CCSER1: variants seen among roughly 807,000 people sequenced by gnomAD.
CCSER1 encodes the protein serine-rich coiled-coil domain-containing protein 1.
In CCSER1, 41 loss-of-function variants were observed where a neutral mutation model predicts 82.0. That is an observed-to-expected ratio of 0.50 (90% CI 0.39 to 0.65). CCSER1 has a LOEUF of 0.65. Among genes scored for constraint, CCSER1 ranks in the 30% least tolerant of loss-of-function variants. The probability of loss-of-function intolerance (pLI) is 0.00; values close to 1 mark genes in which losing one functional copy is unlikely to be tolerated. For synonymous variants in CCSER1, 414 were observed against 383.9 expected, an observed-to-expected ratio of 1.08 and a Z score of -0.92; for missense variants, 1,119 against 1,064.2, an observed-to-expected ratio of 1.05 and a Z score of -0.72.
At chr4:90,929,191 A>G (rs938276221) in intron 9 of CCSER1, among the ~76,000 whole-genome samples, 1 of 152,148 alleles carries the variant, frequency 6.6e-6, no homozygotes, top group African/African-American at 2.4e-5. Flanking sequence ...GTGCTGGTGA[A>G]ACTAAACAAA....
At chr4:91,182,343 G>A (rs761985284) in intron 10 of CCSER1, among the ~76,000 whole-genome samples, 3 of 152,076 alleles carry the variant, frequency 2.0e-5, no homozygotes, top group Non-Finnish European at 2.9e-5. Context: ...TTTTGTTAAC[G>A]GATCTCTCCA....
intron 10 of CCSER1, among the ~76,000 whole-genome samples, chr4:91,132,363 G>A (rs1383668211): frequency 1.3e-5 from 2 of 152,210 alleles, no homozygotes; most frequent in Middle Eastern, 3.4e-3. Context: ...GGGCATTAAC[G>A]TAAACACATG....
At chr4:90,932,972 A>AAGAGAGAGAG (rs1233938806) in intron 9 of CCSER1, among the ~76,000 whole-genome samples, 2 of 40,084 alleles carry the variant, frequency 5.0e-5, no homozygotes, top group Non-Finnish European at 8.9e-5. Flanking sequence ...GAAAGAAAGA[A>AAGAGAGAGAG]AGAAAGAAAG....
At chr4:90,719,366 C>T (rs1443413918) in intron 6 of CCSER1, among the ~76,000 whole-genome samples, 5 of 152,056 alleles carry the variant, frequency 3.3e-5, no homozygotes, top group Non-Finnish European at 5.9e-5. Context: ...ACTGATTCCA[C>T]ATTATGGTGA....
At chr4:90,158,189 G>A (rs916415654) in intron 1 of CCSER1, among the ~76,000 whole-genome samples, 18 of 152,250 alleles carry the variant, frequency 1.2e-4, no homozygotes, top group South Asian at 2.1e-4. Flanking sequence ...CATAAACAGC[G>A]GATTTTCGTG....
intron 9 of CCSER1, among the ~76,000 whole-genome samples, chr4:90,938,369 G>A (rs7676831): frequency 0.73 from 110,836 of 151,880 alleles, 40,561 homozygotes; most frequent in African/African-American, 0.76. Context: ...AAGTTTATTA[G>A]AACTTGTTTT....
intron 10 of CCSER1, among the ~76,000 whole-genome samples, chr4:91,285,262 T>C (rs1479260511): frequency 6.6e-6 from 1 of 151,588 alleles, no homozygotes. Flanking sequence ...TTTTTTTTTT[T>C]TTAAGATGTG....
chr4:90,196,848 G>T (rs536201301), intron 1 of CCSER1, among the ~76,000 whole-genome samples: 1 of 151,974 alleles, frequency 6.6e-6, no homozygotes, highest in African/African-American at 2.4e-5. Context: ...CTACTCTCCC[G>T]AACAGATGGA....
intron 1 of CCSER1, among the ~76,000 whole-genome samples, chr4:90,183,408 G>GGA (rs1444976234): frequency 6.6e-6 from 1 of 152,076 alleles, no homozygotes; most frequent in African/African-American, 2.4e-5. Flanking sequence ...TTTTATAAAA[G>GGA]GAGAAGGGTG....
At chr4:90,493,733 C>CGA (rs1200462961) in intron 5 of CCSER1, among the ~76,000 whole-genome samples, 4 of 152,198 alleles carry the variant, frequency 2.6e-5, no homozygotes, top group Non-Finnish European at 4.4e-5. Flanking sequence ...TTTGTCACCA[C>CGA]CGCTCCTGCC....
intron 8 of CCSER1, among the ~76,000 whole-genome samples, chr4:90,863,866 A>C (rs1765397154): frequency 6.6e-6 from 1 of 151,826 alleles, no homozygotes; most frequent in African/African-American, 2.4e-5. Context: ...AAACACCAAC[A>C]AAAGCCCTTT....
At chr4:91,416,966 T>A (rs561740775) in intron 10 of CCSER1, among the ~76,000 whole-genome samples, 1 of 151,958 alleles carries the variant, frequency 6.6e-6, no homozygotes, top group African/African-American at 2.4e-5. Flanking sequence ...CTGACAAAGG[T>A]CTAATATCCA....
In CCSER1 at chr4:90,777,641, C is replaced by T. The variant is rs1011601085; in HGVS notation, c.2011-38121C>T. Among the ~76,000 whole-genome samples, 17 of 151,986 alleles carry T rather than the reference C, an allele frequency of 1.1e-4. 1 individual carries two copies. Among genetic ancestry groups the T allele is most frequent in the Non-Finnish European group, 2.4e-4 (16 of 67,970 alleles). On this transcript the variant is annotated intron_variant, in intron 7 of 10. Coordinates refer to ENST00000509176, the MANE Select transcript of CCSER1 (RefSeq NM_001145065.2). ...CTCAGTTTCAGTTTTATTATCTGTA[C>T]AATATAGATATTAATATCTATTGTA...
chr4:90,748,722 T>C (rs1466832542), intron 7 of CCSER1, among the ~76,000 whole-genome samples: 18 of 148,252 alleles, frequency 1.2e-4, no homozygotes, highest in African/African-American at 2.7e-4. Flanking sequence ...TTTTAATGAT[T>C]GCCATTCTAA....
At chr4:90,881,469 G>A (rs549375105) in intron 8 of CCSER1, among the ~76,000 whole-genome samples, 4 of 152,136 alleles carry the variant, frequency 2.6e-5, no homozygotes, top group African/African-American at 9.7e-5. Flanking sequence ...TCAATTTAAA[G>A]AAAAACATAT....
intron 10 of CCSER1, among the ~76,000 whole-genome samples, chr4:91,500,316 G>C (rs1759141608): frequency 1.3e-5 from 2 of 151,818 alleles, no homozygotes; most frequent in South Asian, 4.2e-4. Flanking sequence ...TTTAAAATCA[G>C]GTTATTTGAT....
chr4:90,441,669 G>A (rs781608675), intron 4 of CCSER1, among the ~76,000 whole-genome samples: 2 of 152,190 alleles, frequency 1.3e-5, no homozygotes, highest in Non-Finnish European at 2.9e-5. Flanking sequence ...CATTTAGAAT[G>A]ATAGCACTTG....
At chr4:91,200,674 T>A (rs1560511625) in intron 10 of CCSER1, among the ~76,000 whole-genome samples, 1 of 152,018 alleles carries the variant, frequency 6.6e-6, no homozygotes, top group Non-Finnish European at 1.5e-5. Flanking sequence ...TATCCTGATG[T>A]GAAACAAGTA....
At chr4:91,319,550 T>C in intron 10 of CCSER1, 1 of 408,888 alleles carries the variant, frequency 2.4e-6, no homozygotes, top group Non-Finnish European at 4.8e-6. Context: ...TATGAAAAAT[T>C]GCTATCCTGT....
Sources: allele counts gnomAD v4.1 joint callset (sites outside exome capture counted in the v4.1 genomes callset), GRCh38; gene constraint gnomAD v4.1.1; transcripts MANE v1.5; gene names NCBI Gene and HGNC (gene_info 2026-07-23, HGNC 2026-07-21).